The following DPP10 variants were observed in gnomAD, a reference collection of about 807,000 sequenced individuals.
The protein encoded by DPP10 is inactive dipeptidyl peptidase 10.
In DPP10, 33 loss-of-function variants were observed where a neutral mutation model predicts 120.9. The ratio of observed to expected loss-of-function variants is 0.27; its 90% CI spans 0.21 to 0.37. The LOEUF (loss-of-function observed/expected upper bound fraction) is 0.37, where lower values mean the gene tolerates loss of function less well. DPP10 is among the 10% of genes least tolerant of loss of function. The pLI is 1.00. For missense variants in DPP10, 816 were observed against 942.8 expected (o/e 0.87, Z 1.76); for synonymous variants, 337 against 326.1 (o/e 1.03, Z -0.36).
chr2:114,852,296 T>C (rs1194918386), intron 1 of DPP10, among the ~76,000 whole-genome samples: 1 of 151,750 alleles, frequency 6.6e-6, no homozygotes, highest in Non-Finnish European at 1.5e-5. Flanking sequence ...TGTTCCCTGC[T>C]CCTGATTGGC....
rs1373336492 is a variant in DPP10 at position 115,567,968 on chromosome 2, G to A, written c.441+41996G>A. Among the ~76,000 whole-genome samples, 4 of 152,170 alleles carry A rather than the reference G, an allele frequency of 2.6e-5. No individual in the cohort carries two copies. In the East Asian group the frequency reaches 5.8e-4, roughly 22 times the overall value. On this transcript the variant is annotated intron_variant, in intron 5 of 25. Coordinates refer to ENST00000410059, the MANE Select transcript of DPP10 (RefSeq NM_020868.6). The stretch of plus-strand genomic sequence containing the variant: ...AGGCTGGTGGATCACCTGAGGTCAG[G>A]AGTTCCAGACAAGCCTGGCCAACAT...
intron 1 of DPP10, among the ~76,000 whole-genome samples, chr2:114,830,508 CCTTT>C (rs1182901566): frequency 3.3e-5 from 5 of 152,176 alleles, no homozygotes; most frequent in Non-Finnish European, 7.3e-5. Flanking sequence ...CTTAACTTCG[CCTTT>C]CTATTTATAC....
At chr2:114,484,484 T>C (rs1363304614) in intron 1 of DPP10, among the ~76,000 whole-genome samples, 1 of 152,198 alleles carries the variant, frequency 6.6e-6, no homozygotes. Context: ...AAACATACTT[T>C]GTTTTATCTG....
chr2:115,238,595 C>T (rs1330937929), intron 1 of DPP10, among the ~76,000 whole-genome samples: 1 of 152,018 alleles, frequency 6.6e-6, no homozygotes, highest in East Asian at 1.9e-4. Flanking sequence ...AAAAAGATAA[C>T]TAAAATTAGA....
intron 1 of DPP10, among the ~76,000 whole-genome samples, chr2:114,709,716 A>G (rs1700903597): frequency 6.6e-6 from 1 of 152,244 alleles, no homozygotes; most frequent in African/African-American, 2.4e-5. Context: ...AAGCAAAAAT[A>G]CAAATTTATA....
At chr2:115,632,876 A>G (rs2085998556) in intron 5 of DPP10, among the ~76,000 whole-genome samples, 1 of 152,158 alleles carries the variant, frequency 6.6e-6, no homozygotes, top group Non-Finnish European at 1.5e-5. Flanking sequence ...CAAAACCACA[A>G]TGAGATACCA....
intron 3 of DPP10, among the ~76,000 whole-genome samples, chr2:115,376,082 C>A (rs922099964): frequency 7.2e-5 from 11 of 152,040 alleles, no homozygotes; most frequent in African/African-American, 9.7e-5. Context: ...ATTTAGCCCA[C>A]TCTTGCTAAA....
At chr2:115,235,379 A>G (rs1311697270) in intron 1 of DPP10, among the ~76,000 whole-genome samples, 2 of 152,256 alleles carry the variant, frequency 1.3e-5, no homozygotes, top group Non-Finnish European at 2.9e-5. Context: ...CTTCCTTTCA[A>G]TTTACAAAAA....
intron 1 of DPP10, among the ~76,000 whole-genome samples, chr2:115,220,787 A>C (rs900234623): frequency 2.6e-5 from 4 of 152,152 alleles, no homozygotes; most frequent in African/African-American, 9.6e-5. Context: ...AGGGAAATAC[A>C]ACAATAATTT....
At chr2:115,523,041 G>A (rs1284463809) in intron 4 of DPP10, among the ~76,000 whole-genome samples, 3 of 152,032 alleles carry the variant, frequency 2.0e-5, no homozygotes, top group African/African-American at 7.2e-5. Flanking sequence ...CTAAGCTGCC[G>A]AGATACGTTT....
chr2:115,453,614 A>G (rs2073297416), intron 3 of DPP10, among the ~76,000 whole-genome samples: 1 of 151,646 alleles, frequency 6.6e-6, no homozygotes, highest in African/African-American at 2.4e-5. Flanking sequence ...CAACATTTCA[A>G]CATTTATAGA....
At chr2:114,678,806 CT>C (rs1282094460) in intron 1 of DPP10, among the ~76,000 whole-genome samples, 2 of 152,048 alleles carry the variant, frequency 1.3e-5, no homozygotes, top group African/African-American at 4.8e-5. Context: ...TGGCAATTAA[CT>C]TTTCTTCTCT....
At chr2:115,052,312 G>T (rs1559037652) in intron 1 of DPP10, among the ~76,000 whole-genome samples, 1 of 151,068 alleles carries the variant, frequency 6.6e-6, no homozygotes, top group Admixed American at 6.6e-5. Context: ...AGCAGCAAAA[G>T]AAAAAAATGG....
At chr2:115,314,894 A>G (rs563647680) in intron 2 of DPP10, among the ~76,000 whole-genome samples, 110 of 152,202 alleles carry the variant, frequency 7.2e-4, no homozygotes, top group Middle Eastern at 3.4e-3. Context: ...AGAAGACAGC[A>G]TTTAAGGTAT....
intron 1 of DPP10, among the ~76,000 whole-genome samples, chr2:114,933,240 A>G (rs1262784370): frequency 6.6e-6 from 1 of 152,222 alleles, no homozygotes; most frequent in Non-Finnish European, 1.5e-5. Flanking sequence ...TGATAGATCC[A>G]GTAGGATTTT....
Position 114,456,900 on chromosome 2 carries a change from C to T in DPP10, c.60+14062C>T, listed in dbSNP as rs145140195. On this transcript the variant is annotated intron_variant, in intron 1 of 25. Coordinates refer to ENST00000410059, the MANE Select transcript of DPP10 (RefSeq NM_020868.6). ...CTATTACAGTGTGTGTGGTCTATTC[C>T]TGGACACTGTGGTTATAGAGTCCAA... Among the ~76,000 whole-genome samples, 7 of 152,072 alleles carry T rather than the reference C, an allele frequency of 4.6e-5. No individual in the cohort carries two copies. The East Asian group carries it at 1.4e-3, about 29-fold the overall frequency.
At chr2:115,119,672 G>A (rs1300752230) in intron 1 of DPP10, among the ~76,000 whole-genome samples, 2 of 152,102 alleles carry the variant, frequency 1.3e-5, no homozygotes, top group Admixed American at 6.5e-5. Context: ...CAAGGGAGAA[G>A]GGCAGGAATT....
intron 1 of DPP10, among the ~76,000 whole-genome samples, chr2:115,153,211 C>T (rs937639601): frequency 3.9e-5 from 6 of 152,066 alleles, no homozygotes; most frequent in African/African-American, 1.5e-4. Context: ...AATTGCTGCA[C>T]AAATATTCTT....
chr2:115,426,585 C>A (rs1404186976), intron 3 of DPP10, among the ~76,000 whole-genome samples: 1 of 132,764 alleles, frequency 7.5e-6, no homozygotes, highest in Non-Finnish European at 1.6e-5. Context: ...CCAGGTGCCA[C>A]CTCTGACGCT....
Sources: gnomAD v4.1 joint callset for allele counts (sites outside exome capture counted in the v4.1 genomes callset) on GRCh38, gnomAD v4.1.1 for gene constraint, MANE v1.5 for transcripts, NCBI Gene and HGNC (gene_info 2026-07-23, HGNC 2026-07-21) for gene names.